Variants in TANGO2 observed in about 807,000 individuals in gnomAD.
TANGO2 encodes transport and golgi organization 2 homolog, also known as transport and Golgi organization protein 2 homolog.
In TANGO2, 26 loss-of-function variants were observed where a neutral mutation model predicts 39.1. The ratio of observed to expected loss-of-function variants is 0.67; its 90% CI spans 0.49 to 0.92. The LOEUF (loss-of-function observed/expected upper bound fraction) is 0.92, where lower values mean the gene tolerates loss of function less well. Ranked by LOEUF, TANGO2 falls within the 40% of genes least tolerant of loss-of-function variation. The probability of loss-of-function intolerance (pLI) is 0.00; values close to 1 mark genes in which losing one functional copy is unlikely to be tolerated. For missense variants in TANGO2, 326 were observed against 360.1 expected (o/e 0.91, Z 0.77); for synonymous variants, 131 against 144.5 (o/e 0.91, Z 0.67).
At chr22:20,039,772 T>C (rs1354791918) in intron 2 of TANGO2, among the ~76,000 whole-genome samples, 1 of 151,996 alleles carries the variant, frequency 6.6e-6, no homozygotes, top group Non-Finnish European at 1.5e-5. Flanking sequence ...GTTTGATCAC[T>C]GGATCTCAGG....
intron 6 of TANGO2, among the ~76,000 whole-genome samples, chr22:20,059,104 G>T (rs2047906026): frequency 2.0e-5 from 3 of 152,168 alleles, no homozygotes; most frequent in Admixed American, 1.3e-4. Context: ...TCCAGTCAGG[G>T]TTGTGGTGGT....
chr22:20,053,379 C>T, intron 4 of TANGO2, 58 bp from the exon 5 acceptor site: 2 of 1,277,964 alleles, frequency 1.6e-6, no homozygotes, highest in East Asian at 2.3e-5. Flanking sequence ...TATCAGTGTT[C>T]CTGGGAGAAG....
chr22:20,036,694 G>A (rs1439823407), intron 1 of TANGO2, 66 bp from the exon 2 acceptor site: 1 of 1,375,798 alleles, frequency 7.3e-7, no homozygotes, highest in East Asian at 2.3e-5. Context: ...CTGGCCTGTT[G>A]CAGGTTCGGA....
At chr22:20,047,050 G>A (rs2045353429) in intron 3 of TANGO2, among the ~76,000 whole-genome samples, 1 of 152,134 alleles carries the variant, frequency 6.6e-6, no homozygotes, top group Admixed American at 6.6e-5. Flanking sequence ...GAGGGAGGAA[G>A]CCAGAGAGAG....
At chr22:20,024,106 G>A (rs984571482) in intron 1 of TANGO2, among the ~76,000 whole-genome samples, 1 of 152,172 alleles carries the variant, frequency 6.6e-6, no homozygotes, top group African/African-American at 2.4e-5. Context: ...AGAATTGCTT[G>A]AACCCAGGAG....
At chr22:20,045,009 G>A (rs2044834101) in intron 3 of TANGO2, among the ~76,000 whole-genome samples, 2 of 152,134 alleles carry the variant, frequency 1.3e-5, no homozygotes, top group Admixed American at 6.5e-5. Context: ...GCCAAGTGTC[G>A]GGGTGACCAT....
intron 1 of TANGO2, among the ~76,000 whole-genome samples, chr22:20,028,599 T>C (rs1459041946): frequency 6.6e-6 from 1 of 152,076 alleles, no homozygotes; most frequent in Admixed American, 6.5e-5. Context: ...ACAGGCAGCG[T>C]ATGGGAGGGA....
chr22:20,037,037 C>A, intron 2 of TANGO2, 183 bp downstream of exon 2: 2 of 1,557,156 alleles, frequency 1.3e-6, no homozygotes, highest in Non-Finnish European at 1.7e-6. Context: ...CCTCTCGGGG[C>A]GGGGACTCCA....
upstream of TANGO2, chr22:20,021,096 G>T: frequency 1.3e-5 from 2 of 153,292 alleles, no homozygotes; most frequent in South Asian, 3.9e-4. Context: ...GGTGGCGCGC[G>T]GGCGCGGCAC....
intron 6 of TANGO2, chr22:20,056,430 A>G: frequency 2.2e-6 from 1 of 464,260 alleles, no homozygotes; most frequent in South Asian, 1.5e-5. Flanking sequence ...CCCCACACAG[A>G]TGCACGCCTC....
chr22:20,056,056 T>C (rs1334984552), intron 6 of TANGO2, 43 bp downstream of exon 6: 1 of 1,480,846 alleles, frequency 6.8e-7, no homozygotes, highest in Non-Finnish European at 9.4e-7. Context: ...GGACTGTTTC[T>C]ATGCAGAGGT....
intron 1 of TANGO2, among the ~76,000 whole-genome samples, chr22:20,032,733 C>G (rs905822367): frequency 6.6e-6 from 1 of 152,224 alleles, no homozygotes; most frequent in Non-Finnish European, 1.5e-5. Context: ...TTCGGGCAAC[C>G]TTGAGGGCGA....
At chr22:20,053,613 C>A in intron 5 of TANGO2, 62 bp downstream of exon 5, 1 of 1,142,438 alleles carries the variant, frequency 8.8e-7, no homozygotes, top group Non-Finnish European at 1.3e-6. Context: ...AGGCCTCAGG[C>A]TCATCAGGAA....
intron 1 of TANGO2, among the ~76,000 whole-genome samples, chr22:20,036,409 G>A (rs2042858289): frequency 6.6e-6 from 1 of 152,204 alleles, no homozygotes; most frequent in Non-Finnish European, 1.5e-5. Context: ...GGGTAAGTTT[G>A]TTTCTCACAG....
At chr22:20,038,618 G>A (rs2043298019) in intron 2 of TANGO2, among the ~76,000 whole-genome samples, 1 of 152,214 alleles carries the variant, frequency 6.6e-6, no homozygotes, top group East Asian at 1.9e-4. Context: ...GATTTCTCTG[G>A]ACTATTTTCC....
Position 20,066,800 on chromosome 22 carries a change from C to G in TANGO2, c.*2138C>G, listed in dbSNP as rs760369084. Among the ~76,000 whole-genome samples the G allele has an allele frequency of 1.3e-5, 2 of 152,152 alleles. No individual in the cohort carries two copies. Among genetic ancestry groups the G allele is most frequent in the Non-Finnish European group, 2.9e-5 (2 of 68,028 alleles). On this transcript the variant is annotated 3_prime_UTR_variant, in exon 9 of 9. Transcript: ENST00000327374. ...CCCAACCTGGATGGTGCCCTGCCCT[C>G]ATGAAGAGCCCCCCGGATGTTCACC...
At position 20,066,860 on chromosome 22, in the gene TANGO2, G is replaced by A. The variant is rs894991194; in HGVS notation, c.*2198G>A. On this transcript the variant is annotated 3_prime_UTR_variant, in exon 9 of 9. Transcript: ENST00000327374. ...AGACCCGGCCTGCCCAGGAAGAGCA[G>A]TCTCTGCTCTTGTGTGGGTCCCTCT... Among the ~76,000 whole-genome samples the A allele has an allele frequency of 2.0e-5, 3 of 152,056 alleles. No homozygotes were observed. Among genetic ancestry groups the A allele is most frequent in the Admixed American group, 6.5e-5 (1 of 15,274 alleles).
chr22:20,052,408 C>T, intron 3 of TANGO2, 57 bp from the exon 4 acceptor site: 2 of 1,554,712 alleles, frequency 1.3e-6, no homozygotes, highest in Non-Finnish European at 1.7e-6. Flanking sequence ...GGCTGGGAAC[C>T]AGGTGGGGGA....
chr22:20,018,567 A>G (rs1945366627), upstream of TANGO2, among the ~76,000 whole-genome samples: 1 of 152,188 alleles, frequency 6.6e-6, no homozygotes, highest in Non-Finnish European at 1.5e-5. Flanking sequence ...CTGTTGAAAG[A>G]GTGCAAAAGA....
Sources: allele counts gnomAD v4.1 joint callset (sites outside exome capture counted in the v4.1 genomes callset), GRCh38; gene constraint gnomAD v4.1.1; transcripts MANE v1.5; gene names NCBI Gene and HGNC (gene_info 2026-07-23, HGNC 2026-07-21).